Variants in PEX26 observed in about 807,000 individuals in gnomAD.
PEX26 encodes peroxisomal biogenesis factor 26, also known as peroxisome assembly protein 26.
PEX26 carries 18 observed loss-of-function variants against 31.4 expected under a neutral mutation model. That is an observed-to-expected ratio of 0.57 (90% confidence interval 0.40 to 0.85). The LOEUF (loss-of-function observed/expected upper bound fraction) is 0.85, where lower values mean the gene tolerates loss of function less well. PEX26 is among the 40% of genes least tolerant of loss of function. The probability of loss-of-function intolerance (pLI) is 0.00; values close to 1 mark genes in which losing one functional copy is unlikely to be tolerated. For missense variants in PEX26, 377 were observed against 383.9 expected (o/e 0.98, Z 0.15); for synonymous variants, 176 against 166.9 (o/e 1.05, Z -0.42).
At position 18,098,994 on chromosome 22, in the gene PEX26, A is replaced by T. The variant is rs1354452732; in HGVS notation, c.*10919A>T. On this transcript the variant is annotated 3_prime_UTR_variant, in exon 5 of 5. Coordinates refer to ENST00000399744, the MANE Select transcript of PEX26 (RefSeq NM_001127649.3). ...CACAAATCAACCCTTTCTCTGGGCT[A>T]TCTAAAATAATCAGGTACTAGACCA... The T allele has an allele frequency of 6.6e-6, 1 of 152,228 alleles. No homozygotes were observed. Among genetic ancestry groups the T allele is most frequent in the Non-Finnish European group, 1.5e-5 (1 of 68,042 alleles). 9.4% of individuals were successfully genotyped at this position (152,228 alleles called of 1,614,324 possible).
rs1927500044 is a variant in PEX26 at position 18,103,038 on chromosome 22, T to C, written c.*14963T>C. The C allele has an allele frequency of 7.2e-6, 1 of 139,444 alleles. No individual in the cohort carries two copies. The highest frequency in any genetic ancestry group is 2.7e-5 in the African/African-American group (1 of 37,036). The allele number at this position is 139,444 out of a possible 1,614,324, so 8.6% of individuals were successfully genotyped here. On this transcript the variant is annotated 3_prime_UTR_variant, in exon 5 of 5. Coordinates refer to ENST00000399744, the MANE Select transcript of PEX26 (RefSeq NM_001127649.3). ...AGGCAGAGGTGGCAGTGAGCCGAGA[T>C]CGTGCGATCGTGCTATTGCACTCCA...
Position 18,088,641 on chromosome 22 carries a change from T to C in PEX26, c.*566T>C, listed in dbSNP as rs541332240. Reference sequence around the variant, plus strand: ...TAAAAATACAAAAATTAGCTAGATGTGGTGCACGCCTATAGTCCTAGCTAC... The same window carrying C: ...TAAAAATACAAAAATTAGCTAGATGCGGTGCACGCCTATAGTCCTAGCTAC... On this transcript the variant is annotated 3_prime_UTR_variant, in exon 5 of 5. Coordinates refer to ENST00000399744, the MANE Select transcript of PEX26 (RefSeq NM_001127649.3). This position sits in a 1 kb window ranked among gnomAD's most constrained non-coding sequence, Gnocchi z 4.1. 151 of 211,220 alleles carry C rather than the reference T, an allele frequency of 7.1e-4. 3 individuals are homozygous for C. The South Asian group carries it at 0.011, about 16-fold the overall frequency. 13.1% of individuals were successfully genotyped at this position (211,220 alleles called of 1,614,324 possible). A position where few individuals can be genotyped will look rare whatever the true frequency, so the allele number is the denominator to read the frequency against.
rs1258401245 is a variant in PEX26 at position 18,101,237 on chromosome 22, AG to A, written c.*13164del. 6.6e-6 allele frequency: 1 copy of A among 152,202 alleles called. No homozygotes were observed. Among genetic ancestry groups the A allele is most frequent in the Non-Finnish European group, 1.5e-5 (1 of 68,044 alleles). 9.4% of individuals were successfully genotyped at this position (152,202 alleles called of 1,614,324 possible). A position where few individuals can be genotyped will look rare whatever the true frequency, so the allele number is the denominator to read the frequency against. On this transcript the variant is annotated 3_prime_UTR_variant, in exon 5 of 5. Coordinates refer to ENST00000399744, the MANE Select transcript of PEX26 (RefSeq NM_001127649.3). ...GAATTGATTTTCACATGTAGTTTTT[AG>A]GTAAAGGACATCTCTTTCAGTTGAT...
Position 18,088,218 on chromosome 22 carries a change from G to GT in PEX26, c.*143_*144insT. 1.3e-6 allele frequency: 1 copy of GT among 745,432 alleles called. No individual in the cohort carries two copies. The highest frequency in any genetic ancestry group is 1.4e-5 in the South Asian group (1 of 71,400). 46.2% of individuals were successfully genotyped at this position (745,432 alleles called of 1,614,324 possible). A position where few individuals can be genotyped will look rare whatever the true frequency, so the allele number is the denominator to read the frequency against. On this transcript the variant is annotated 3_prime_UTR_variant, in exon 5 of 5. Coordinates refer to ENST00000399744, the MANE Select transcript of PEX26 (RefSeq NM_001127649.3). The surrounding 1 kb of genome is among the most constrained non-coding windows in gnomAD (Gnocchi z 4.1). ...GTGCACTGTGTCTTGCTGCCTGGGT[G>GT]CCCTCTCCTTTGCACCCTACTTCGG...
rs2123666243 is a variant in PEX26, at chr22:18,090,308, G to C, written c.*2233G>C. ...ATGGAATTGAAGGCCCCTATGTGCT[G>C]GTTTTGGCTAAGATCTCCCCTTTGA... On this transcript the variant is annotated 3_prime_UTR_variant, in exon 5 of 5. Transcript: ENST00000399744. 6.6e-6 allele frequency: 1 copy of C among 152,364 alleles called. No homozygotes were observed. The highest frequency in any genetic ancestry group is 1.9e-4 in the East Asian group (1 of 5,178). 9.4% of individuals were successfully genotyped at this position (152,364 alleles called of 1,614,324 possible). A position where few individuals can be genotyped will look rare whatever the true frequency, so the allele number is the denominator to read the frequency against.
At chr22:18,083,006 G>T (rs71328255) in intron 2 of PEX26, among the ~76,000 whole-genome samples, 1 of 152,154 alleles carries the variant, frequency 6.6e-6, no homozygotes, top group African/African-American at 2.4e-5. Flanking sequence ...TCACTGTCAC[G>T]TATAGAAACG....
rs980546546 is a variant in PEX26, at chr22:18,099,979, A to G, written c.*11904A>G. 2.0e-5 allele frequency: 3 copies of G among 152,214 alleles called. No homozygotes were observed. The highest frequency in any genetic ancestry group is 4.4e-5 in the Non-Finnish European group (3 of 68,040). 9.4% of individuals were successfully genotyped at this position (152,214 alleles called of 1,614,324 possible). A position where few individuals can be genotyped will look rare whatever the true frequency, so the allele number is the denominator to read the frequency against. The stretch of plus-strand genomic sequence containing the variant: ...TCACATTCTGAGATTTTAGGCAAAC[A>G]TATCTTTGGGGGGCCAAAATTCAAT... On this transcript the variant is annotated 3_prime_UTR_variant, in exon 5 of 5. Coordinates refer to ENST00000399744, the MANE Select transcript of PEX26 (RefSeq NM_001127649.3).
intron 2 of PEX26, among the ~76,000 whole-genome samples, chr22:18,080,403 C>G (rs983271856): frequency 4.6e-5 from 7 of 152,222 alleles, no homozygotes; most frequent in Admixed American, 4.6e-4. Flanking sequence ...AGTCTCTGCT[C>G]ACTGCAAGCT....
In PEX26 at chr22:18,091,317, T is replaced by G. The variant is rs1029174949; in HGVS notation, c.*3242T>G. On this transcript the variant is annotated 3_prime_UTR_variant, in exon 5 of 5. Transcript: ENST00000399744. ...TAGTAGTCACATACACTACACACAC[T>G]GTGCCACGTTTAAAAAGAAAAAAAA... The G allele has an allele frequency of 2.0e-5, 3 of 152,236 alleles. No individual in the cohort carries two copies. The highest frequency in any genetic ancestry group is 4.4e-5 in the Non-Finnish European group (3 of 68,060). 9.4% of individuals were successfully genotyped at this position (152,236 alleles called of 1,614,324 possible).
chr22:18,088,030 G>C lies in PEX26; in HGVS notation c.873G>C (p.Arg291=). 1.2e-6 allele frequency: 2 copies of C among 1,613,666 alleles called. No homozygotes were observed. Among genetic ancestry groups the C allele is most frequent in the Non-Finnish European group, 1.7e-6 (2 of 1,179,960 alleles). The change falls in exon 5 of 5, where the codon CGG becomes CGC. Residue 291 remains arginine (R), a synonymous_variant. Transcript: ENST00000399744. The surrounding 1 kb of genome is among the most constrained non-coding windows in gnomAD (Gnocchi z 4.1). ...TGGCCCAGCTCTTCCGCTGGATCCG[G>C]AAGGCTGCATTTTCTCGCCTCTACC... The part of the protein sequence containing the change: ...YKLAQLFRWI[R]KAAFSRLYQL...
rs776426324 is a variant in PEX26 at position 18,086,756 on chromosome 22, GA to G, written c.815-1213del. On this transcript the variant is annotated intron_variant, in intron 4 of 4. Transcript: ENST00000399744. Reference sequence around the variant, plus strand: ...AGTTTCAAAATTTAAGAGGAAATCAGAAACCCTTATACTGGTCCCTTCAAAT... The same window carrying G: ...AGTTTCAAAATTTAAGAGGAAATCAGAACCCTTATACTGGTCCCTTCAAAT... 3.9e-4 allele frequency among the ~76,000 whole-genome samples: 60 copies of G among 152,144 alleles called. 1 individual carries two copies. The highest frequency in any genetic ancestry group is 1.0e-4 in the Non-Finnish European group (7 of 68,020).
At position 18,088,739 on chromosome 22, in the gene PEX26, G is replaced by C. The variant is rs1458672287; in HGVS notation, c.*664G>C. 5.8e-6 allele frequency: 1 copy of C among 173,214 alleles called. No individual in the cohort carries two copies. Among genetic ancestry groups the C allele is most frequent in the Non-Finnish European group, 1.3e-5 (1 of 79,832 alleles). 10.7% of individuals were successfully genotyped at this position (173,214 alleles called of 1,614,324 possible). ...TGCAGTGAGCTGAGATTGTGCTACC[G>C]CACTCTCTCAAAACAAACAAAAAAA... is the stretch of plus-strand genomic sequence containing the variant. On this transcript the variant is annotated 3_prime_UTR_variant, in exon 5 of 5. Transcript: ENST00000399744. The surrounding 1 kb of genome is among the most constrained non-coding windows in gnomAD (Gnocchi z 4.1).
chr22:18,100,687 C>T lies in PEX26; in HGVS notation c.*12612C>T, dbSNP rs1172588297. 6.6e-6 allele frequency: 1 copy of T among 152,136 alleles called. No homozygotes were observed. Among genetic ancestry groups the T allele is most frequent in the Admixed American group, 6.5e-5 (1 of 15,278 alleles). The allele number at this position is 152,136 out of a possible 1,614,324, so 9.4% of individuals were successfully genotyped here. A position where few individuals can be genotyped will look rare whatever the true frequency, so the allele number is the denominator to read the frequency against. On this transcript the variant is annotated 3_prime_UTR_variant, in exon 5 of 5. Transcript: ENST00000399744. ...ATATTTTCTGGTCAGTAATATTCTACCAATGGTATTAATTCAAAGCAGGTA... is the reference window on the plus strand; with the variant it reads ...ATATTTTCTGGTCAGTAATATTCTATCAATGGTATTAATTCAAAGCAGGTA...
intron 2 of PEX26, among the ~76,000 whole-genome samples, chr22:18,081,151 TTATATATATATATA>T (rs60289884): frequency 1.4e-5 from 2 of 141,286 alleles, no homozygotes; most frequent in Non-Finnish European, 3.2e-5. Flanking sequence ...TAGTATTCCA[TTATATATATATATA>T]TATATATATA....
In PEX26 at chr22:18,102,734, A is replaced by G. The variant is rs567495020; in HGVS notation, c.*14659A>G. 1 of 152,298 alleles carries G rather than the reference A, an allele frequency of 6.6e-6. No homozygotes were observed. The highest frequency in any genetic ancestry group is 2.4e-5 in the African/African-American group (1 of 41,562). The allele number at this position is 152,298 out of a possible 1,614,324, so 9.4% of individuals were successfully genotyped here. A position where few individuals can be genotyped will look rare whatever the true frequency, so the allele number is the denominator to read the frequency against. ...TGAAGGCCATGTGCTAAATCCAGCAATCCGCTCCAGTAGGTGTCCTTCAGG... is the reference window on the plus strand; with the variant it reads ...TGAAGGCCATGTGCTAAATCCAGCAGTCCGCTCCAGTAGGTGTCCTTCAGG... On this transcript the variant is annotated 3_prime_UTR_variant, in exon 5 of 5. Coordinates refer to ENST00000399744, the MANE Select transcript of PEX26 (RefSeq NM_001127649.3).
At position 18,097,735 on chromosome 22, in the gene PEX26, G is replaced by T. The variant is rs1927339729; in HGVS notation, c.*9660G>T. 6.6e-6 allele frequency: 1 copy of T among 151,558 alleles called. No homozygotes were observed. The highest frequency in any genetic ancestry group is 1.9e-4 in the East Asian group (1 of 5,184). 9.4% of individuals were successfully genotyped at this position (151,558 alleles called of 1,614,324 possible). On this transcript the variant is annotated 3_prime_UTR_variant, in exon 5 of 5. Coordinates refer to ENST00000399744, the MANE Select transcript of PEX26 (RefSeq NM_001127649.3). ...TTTCTTATAAAAAATACAGAGATGG[G>T]GTCTTACTACACTGACCAGGCTGGT...
In PEX26 at chr22:18,090,090, A is replaced by G. The variant is rs536680766; in HGVS notation, c.*2015A>G. 4 of 152,310 alleles carry G rather than the reference A, an allele frequency of 2.6e-5. No individual in the cohort carries two copies. In the South Asian group the frequency reaches 8.3e-4, roughly 32 times the overall value. The allele number at this position is 152,310 out of a possible 1,614,324, so 9.4% of individuals were successfully genotyped here. A position where few individuals can be genotyped will look rare whatever the true frequency, so the allele number is the denominator to read the frequency against. ...TAGGGCATGGTTCAAGTCTGTAGGAAGCAAATCTATACTTTTTTATATGGG... is the reference window on the plus strand; with the variant it reads ...TAGGGCATGGTTCAAGTCTGTAGGAGGCAAATCTATACTTTTTTATATGGG... On this transcript the variant is annotated 3_prime_UTR_variant, in exon 5 of 5. Coordinates refer to ENST00000399744, the MANE Select transcript of PEX26 (RefSeq NM_001127649.3).
In PEX26 at chr22:18,092,397, A is replaced by T. The variant is rs556862573; in HGVS notation, c.*4322A>T. The T allele has an allele frequency of 6.6e-6, 1 of 152,316 alleles. No homozygotes were observed. The allele number at this position is 152,316 out of a possible 1,614,324, so 9.4% of individuals were successfully genotyped here. ...AGGACAGACAGTGGGCACGGTGCCT[A>T]GCAGCCTGTCGCGCCCCCGCCCGCC... On this transcript the variant is annotated 3_prime_UTR_variant, in exon 5 of 5. Transcript: ENST00000399744.
rs2123647615 is a variant in PEX26, at chr22:18,079,991, A to G, written c.348A>G (p.Leu116=). ...AGTATTACCAGGTCCCTGAAAAGCT[A>G]CCCCCCAAAGTCCTGGAGCTGTGGT... is the stretch of plus-strand genomic sequence containing the variant. ...VLQYYQVPEK[L]PPKVLELCIL... Residue 116 remains leucine (L), a synonymous_variant, in exon 2 of 5, where the codon CTA becomes CTG. Transcript: ENST00000399744. 6.2e-7 allele frequency: 1 copy of G among 1,613,714 alleles called. No individual in the cohort carries two copies. Among genetic ancestry groups the G allele is most frequent in the Non-Finnish European group, 8.5e-7 (1 of 1,179,942 alleles).
Sources: allele counts gnomAD v4.1 joint callset (sites outside exome capture counted in the v4.1 genomes callset), GRCh38; gene constraint gnomAD v4.1.1; non-coding constraint Gnocchi (gnomAD v3.1); transcripts MANE v1.5; gene names NCBI Gene and HGNC (gene_info 2026-07-23, HGNC 2026-07-21).